SDK1: variants seen among roughly 807,000 people sequenced by gnomAD.
SDK1 encodes the protein protein sidekick-1.
SDK1 carries 157 observed loss-of-function variants against 245.5 expected under a neutral mutation model. The ratio of observed to expected loss-of-function variants is 0.64; its 90% CI spans 0.56 to 0.73. The LOEUF is 0.73. SDK1 is among the 30% of genes least tolerant of loss of function. The pLI, the probability that SDK1 is intolerant of heterozygous loss-of-function variation, is 0.00. For synonymous variants in SDK1, 1,647 were observed against 1,278.5 expected (o/e 1.29, Z -6.15); for missense variants, 3,583 against 3,002.3 (o/e 1.19, Z -4.52).
chr7:4,182,392 G>C (rs918189703), intron 35 of SDK1, among the ~76,000 whole-genome samples: 1 of 152,220 alleles, frequency 6.6e-6, no homozygotes, highest in East Asian at 1.9e-4. Flanking sequence ...ATCCCAAACA[G>C]CTCCTTGCCC....
rs1583653782 is a variant in SDK1 at position 3,301,665 on chromosome 7, C to A, written c.79C>A (p.Arg27=). ...GCCCCCTGAGCGCGCGGGCCCCGGGCGGCCGCGGGGATCCCCGCCCGGCCG... is the reference window on the plus strand; with the variant it reads ...GCCCCCTGAGCGCGCGGGCCCCGGGAGGCCGCGGGGATCCCCGCCCGGCCG... The part of the protein sequence containing the change: ...AEPPERAGPG[R]PRGSPPGRAR... The change falls in exon 1 of 45, where the codon CGG becomes AGG. Residue 27 remains arginine (R), a synonymous_variant. Coordinates refer to ENST00000404826, the MANE Select transcript of SDK1 (RefSeq NM_152744.4). The A allele has an allele frequency of 1.0e-6, 1 of 974,478 alleles. No individual in the cohort carries two copies. The highest frequency in any genetic ancestry group is 1.2e-6 in the Non-Finnish European group (1 of 824,662). The allele number at this position is 974,478 out of a possible 1,614,324, so 60.4% of individuals were successfully genotyped here.
rs1242636701 is a variant in SDK1 at position 4,210,274 on chromosome 7, C to A, written c.5539+112C>A. 7.9e-6 allele frequency: 9 copies of A among 1,141,500 alleles called. No individual in the cohort carries two copies. In the East Asian group the frequency reaches 2.8e-4, roughly 36 times the overall value. The allele number at this position is 1,141,500 out of a possible 1,614,324, so 70.7% of individuals were successfully genotyped here. On this transcript the variant is annotated intron_variant, in intron 38 of 44. Coordinates refer to ENST00000404826, the MANE Select transcript of SDK1 (RefSeq NM_152744.4). ...CTTCTGTGGGCCAGGAGCCTTCTGG[C>A]GCCTGAAGTGGGGGGTTTTGGAATC... is the stretch of plus-strand genomic sequence containing the variant.
intron 4 of SDK1, among the ~76,000 whole-genome samples, chr7:3,645,831 T>A (rs1782817488): frequency 1.3e-5 from 2 of 152,094 alleles, no homozygotes; most frequent in East Asian, 3.8e-4. Flanking sequence ...CATATTGAAA[T>A]GCAGGTGAAG....
intron 1 of SDK1, among the ~76,000 whole-genome samples, chr7:3,511,305 A>G (rs755566336): frequency 4.6e-5 from 7 of 152,228 alleles, no homozygotes; most frequent in Non-Finnish European, 8.8e-5. Context: ...ATGCAGAATA[A>G]TATCTACCTA....
chr7:3,913,792 T>C (rs997305414), intron 5 of SDK1, among the ~76,000 whole-genome samples: 4 of 152,198 alleles, frequency 2.6e-5, no homozygotes, highest in Non-Finnish European at 5.9e-5. Flanking sequence ...GGTAGACAGA[T>C]GCTGACCCCT....
chr7:3,575,531 A>AG (rs1554291910), intron 1 of SDK1, among the ~76,000 whole-genome samples: 1 of 151,846 alleles, frequency 6.6e-6, no homozygotes, highest in African/African-American at 2.4e-5. Flanking sequence ...GGTTGGGGTG[A>AG]GGGGGGACAC....
In SDK1 at chr7:3,403,851, AT is replaced by A. The variant is rs1398911986; in HGVS notation, c.298+101968del. ...TATATATATATATATATATATATAT[AT>A]ATATATATATATATATAATATATAT... On this transcript the variant is annotated intron_variant, in intron 1 of 44. Transcript: ENST00000404826. Among the ~76,000 whole-genome samples the A allele has an allele frequency of 3.1e-3, 279 of 89,984 alleles. 3 individuals are homozygous for A. The highest frequency in any genetic ancestry group is 7.5e-3 in the East Asian group (26 of 3,458). 59.0% of individuals were successfully genotyped at this position (89,984 alleles called of 152,430 possible).
intron 40 of SDK1, among the ~76,000 whole-genome samples, chr7:4,225,922 A>G (rs969627552): frequency 1.3e-5 from 2 of 150,630 alleles, no homozygotes; most frequent in African/African-American, 4.8e-5. Context: ...CTTTCGGATC[A>G]TGAAGGGAAC....
At chr7:3,650,283 A>G (rs184583814) in intron 4 of SDK1, among the ~76,000 whole-genome samples, 25 of 152,282 alleles carry the variant, frequency 1.6e-4, no homozygotes, top group East Asian at 1.4e-3. Context: ...GTGTTGTGCA[A>G]TCATCACCAT....
At chr7:4,055,009 G>A (rs980746233) in intron 19 of SDK1, among the ~76,000 whole-genome samples, 7 of 152,172 alleles carry the variant, frequency 4.6e-5, no homozygotes, top group East Asian at 1.9e-4. Context: ...AGCACTTGGC[G>A]AAGGACTTTT....
chr7:3,704,311 T>C (rs1784825772), intron 4 of SDK1, among the ~76,000 whole-genome samples: 1 of 152,104 alleles, frequency 6.6e-6, no homozygotes, highest in Non-Finnish European at 1.5e-5. Context: ...ACATTTTCTT[T>C]ATCCACGCAT....
chr7:3,671,644 G>A lies in SDK1; in HGVS notation c.713+29539G>A, dbSNP rs576939102. On this transcript the variant is annotated intron_variant, in intron 4 of 44. Coordinates refer to ENST00000404826, the MANE Select transcript of SDK1 (RefSeq NM_152744.4). ...AGTGAAGAGTGTTTAAAATAAACTT[G>A]TGTTTCTCCAGGAAGTTAACTAATC... 5.3e-5 allele frequency among the ~76,000 whole-genome samples: 8 copies of A among 152,274 alleles called. No homozygotes were observed. The East Asian group carries it at 1.3e-3, about 26-fold the overall frequency.
At chr7:3,466,402 T>C (rs1382333010) in intron 1 of SDK1, among the ~76,000 whole-genome samples, 2 of 149,956 alleles carry the variant, frequency 1.3e-5, no homozygotes, top group East Asian at 3.9e-4. Context: ...GGAGAAATGC[T>C]GCATGCTCAC....
intron 22 of SDK1, among the ~76,000 whole-genome samples, chr7:4,101,862 A>G (rs1004689413): frequency 1.3e-5 from 2 of 152,052 alleles, no homozygotes; most frequent in Non-Finnish European, 2.9e-5. Flanking sequence ...GCAAGGACAC[A>G]CTCAGGAGGG....
At chr7:3,763,488 C>A (rs931764002) in intron 4 of SDK1, among the ~76,000 whole-genome samples, 2 of 152,124 alleles carry the variant, frequency 1.3e-5, no homozygotes, top group African/African-American at 4.8e-5. Context: ...ATTCTTCCAC[C>A]AGTCCATCTT....
rs146262603 is a variant in SDK1, at chr7:4,210,033, G to A, written c.5410G>A (p.Ala1804Thr). 1.1e-5 allele frequency: 18 copies of A among 1,586,336 alleles called. No homozygotes were observed. Among genetic ancestry groups the A allele is most frequent in the Non-Finnish European group, 1.5e-5 (18 of 1,167,998 alleles). The change falls in exon 38 of 45, where the codon GCC becomes ACC. Residue 1804 changes from alanine (A) to threonine (T), a missense_variant. By Grantham distance (58) the Ala-to-Thr change is moderately conservative. Coordinates refer to ENST00000404826, the MANE Select transcript of SDK1 (RefSeq NM_152744.4). ...GTGTTCTATTCTCCCAGCCCCTGGGGCCCCCAGCTTTCTGGCGTTCTCAGA... is the reference window on the plus strand; with the variant it reads ...GTGTTCTATTCTCCCAGCCCCTGGGACCCCCAGCTTTCTGGCGTTCTCAGA... ...QGRTHQAAPG[A>T]PSFLAFSEIT...
chr7:3,902,306 C>T (rs2128105740), intron 5 of SDK1, among the ~76,000 whole-genome samples: 1 of 152,258 alleles, frequency 6.6e-6, no homozygotes, highest in East Asian at 1.9e-4. Flanking sequence ...TTGTGTCTCC[C>T]TTCTCCCACA....
chr7:4,120,936 A>G (rs1419911978), intron 25 of SDK1, among the ~76,000 whole-genome samples: 1 of 152,044 alleles, frequency 6.6e-6, no homozygotes, highest in Admixed American at 6.5e-5. Flanking sequence ...TTTTAAAAAA[A>G]AAAAAAAAGA....
chr7:3,587,486 A>G (rs1033308504), intron 1 of SDK1, among the ~76,000 whole-genome samples: 1 of 152,120 alleles, frequency 6.6e-6, no homozygotes, highest in Admixed American at 6.6e-5. Flanking sequence ...GTATGAGTCT[A>G]AAGGCCTAAG....
Sources: gnomAD v4.1 joint callset for allele counts (sites outside exome capture counted in the v4.1 genomes callset) on GRCh38, gnomAD v4.1.1 for gene constraint, MANE v1.5 for transcripts, NCBI Gene and HGNC (gene_info 2026-07-23, HGNC 2026-07-21) for gene names.